The following PREP variants were observed in gnomAD, a reference collection of about 807,000 sequenced individuals.
The protein encoded by PREP is dJ355L5.1 (prolyl endopeptidase).
In PREP, 29 loss-of-function variants were observed where a neutral mutation model predicts 87.6. The ratio of observed to expected loss-of-function variants is 0.33; its 90% CI spans 0.25 to 0.45. The LOEUF is 0.45. Ranked by LOEUF, PREP falls within the 20% of genes least tolerant of loss-of-function variation. The pLI is 1.00. For synonymous variants in PREP, 337 were observed against 328.6 expected, an observed-to-expected ratio of 1.03 and a Z score of -0.28; for missense variants, 695 against 886.5, an observed-to-expected ratio of 0.78 and a Z score of 2.74.
Position 105,277,560 on chromosome 6 carries a change from CAG to C in PREP, c.*582_*583del, listed in dbSNP as rs1422564620. 6.5e-6 allele frequency: 1 copy of C among 152,964 alleles called. No individual in the cohort carries two copies. The highest frequency in any genetic ancestry group is 1.5e-5 in the Non-Finnish European group (1 of 68,722). The allele number at this position is 152,964 out of a possible 1,614,324, so 9.5% of individuals were successfully genotyped here. A position where few individuals can be genotyped will look rare whatever the true frequency, so the allele number is the denominator to read the frequency against. On this transcript the variant is annotated 3_prime_UTR_variant, in exon 15 of 15. Transcript: ENST00000652536. The stretch of plus-strand genomic sequence containing the variant: ...CTAACAAACAAACAAACAAGGGAGA[CAG>C]AGTGGATGAACAACTTATTTTCAAA...
chr6:105,393,417 G>GA (rs1773209961), intron 2 of PREP, among the ~76,000 whole-genome samples: 1 of 152,068 alleles, frequency 6.6e-6, no homozygotes, highest in African/African-American at 2.4e-5. Context: ...AGGGAGAGTT[G>GA]AATCTGGATG....
At chr6:105,376,871 T>C (rs1772700596) in intron 3 of PREP, among the ~76,000 whole-genome samples, 1 of 152,202 alleles carries the variant, frequency 6.6e-6, no homozygotes. Context: ...TCTGTAAGAA[T>C]GGCAGAGGGC....
chr6:105,341,736 T>A (rs1771656445), intron 7 of PREP, among the ~76,000 whole-genome samples: 1 of 152,180 alleles, frequency 6.6e-6, no homozygotes, highest in Non-Finnish European at 1.5e-5. Flanking sequence ...AAATACAAAC[T>A]ACCATCAGAG....
chr6:105,363,216 T>C (rs1432457191), intron 6 of PREP, among the ~76,000 whole-genome samples: 1 of 152,186 alleles, frequency 6.6e-6, no homozygotes, highest in East Asian at 1.9e-4. Context: ...TTTAGGGAGA[T>C]AATCACAAAG....
intron 7 of PREP, among the ~76,000 whole-genome samples, chr6:105,349,183 G>C (rs980478058): frequency 1.3e-5 from 2 of 152,104 alleles, no homozygotes; most frequent in African/African-American, 4.8e-5. Flanking sequence ...GCAGTTACTG[G>C]GTAAAGGATG....
At chr6:105,293,330 T>C (rs1299050840) in intron 10 of PREP, among the ~76,000 whole-genome samples, 2 of 152,104 alleles carry the variant, frequency 1.3e-5, no homozygotes, top group Admixed American at 1.3e-4. Flanking sequence ...AGACAGGAAA[T>C]GGTCAGTGGA....
chr6:105,370,012 G>A (rs187058398), intron 5 of PREP, among the ~76,000 whole-genome samples: 148 of 152,190 alleles, frequency 9.7e-4, no homozygotes, highest in African/African-American at 3.2e-3. Flanking sequence ...AGCACTTTGG[G>A]AGGCCGAGGC....
intron 6 of PREP, among the ~76,000 whole-genome samples, chr6:105,358,021 A>G (rs1193715559): frequency 6.6e-6 from 1 of 152,064 alleles, no homozygotes; most frequent in Non-Finnish European, 1.5e-5. Flanking sequence ...TTTTGCAAAA[A>G]CTAATAATAT....
intron 10 of PREP, among the ~76,000 whole-genome samples, chr6:105,301,293 C>A (rs1770532299): frequency 6.6e-6 from 1 of 152,174 alleles, no homozygotes; most frequent in South Asian, 2.1e-4. Context: ...TGACAGAGGC[C>A]ACTTGTGTGG....
chr6:105,351,017 C>T (rs947893800), intron 7 of PREP, among the ~76,000 whole-genome samples: 1 of 152,134 alleles, frequency 6.6e-6, no homozygotes, highest in Non-Finnish European at 1.5e-5. Context: ...TCAGTAAAGC[C>T]CTAACACTGA....
intron 8 of PREP, among the ~76,000 whole-genome samples, chr6:105,330,738 G>T (rs564614358): frequency 1.1e-4 from 17 of 152,230 alleles, no homozygotes; most frequent in Non-Finnish European, 1.9e-4. Context: ...ATGTTTTTAG[G>T]ATGCTAGAAT....
chr6:105,324,935 A>G (rs1646329481), intron 9 of PREP, among the ~76,000 whole-genome samples: 1 of 152,264 alleles, frequency 6.6e-6, no homozygotes, highest in African/African-American at 2.4e-5. Context: ...TAACGCTGAC[A>G]GTAAGATGTA....
chr6:105,338,606 A>T (rs952689159), intron 7 of PREP, among the ~76,000 whole-genome samples: 6 of 152,210 alleles, frequency 3.9e-5, no homozygotes, highest in African/African-American at 1.4e-4. Context: ...TCAACCAGGA[A>T]ATGCAAGGGG....
At chr6:105,290,422 C>T (rs1274764861) in intron 10 of PREP, among the ~76,000 whole-genome samples, 1 of 152,162 alleles carries the variant, frequency 6.6e-6, no homozygotes, top group African/African-American at 2.4e-5. Flanking sequence ...TTCGAAAAAT[C>T]ATCTGTTCAA....
chr6:105,315,317 C>A (rs1770837865), intron 10 of PREP, among the ~76,000 whole-genome samples: 1 of 152,112 alleles, frequency 6.6e-6, no homozygotes, highest in Admixed American at 6.6e-5. Flanking sequence ...GCACATGCCA[C>A]CATGCTTGGC....
chr6:105,323,223 C>G (rs1771060246), intron 10 of PREP: 5 of 908,742 alleles, frequency 5.5e-6, no homozygotes, highest in Non-Finnish European at 7.9e-6. Context: ...TATTGAGTGT[C>G]TACTCTGTGT....
intron 9 of PREP, among the ~76,000 whole-genome samples, chr6:105,325,386 A>T (rs1562200401): frequency 6.6e-6 from 1 of 152,226 alleles, no homozygotes; most frequent in Admixed American, 6.5e-5. Flanking sequence ...CAAGGCACCA[A>T]AGTACTAGAA....
intron 10 of PREP, among the ~76,000 whole-genome samples, chr6:105,316,085 C>T (rs1770858778): frequency 6.6e-6 from 1 of 152,146 alleles, no homozygotes; most frequent in African/African-American, 2.4e-5. Flanking sequence ...CCTTTGCATT[C>T]ACAAGTTGGC....
In PREP at chr6:105,303,773, G is replaced by A. The variant is rs529724064; in HGVS notation, c.1318-14879C>T. 5.3e-5 allele frequency among the ~76,000 whole-genome samples: 8 copies of A among 152,260 alleles called. No homozygotes were observed. The South Asian group carries it at 1.2e-3, about 24-fold the overall frequency. ...CCAAAAGAAACAAAAGTTAGCCAAG[G>A]TTCTGCAGACAGAACCTAGTGACAG... is the stretch of plus-strand genomic sequence containing the variant. On this transcript the variant is annotated intron_variant, in intron 10 of 14. Coordinates refer to ENST00000652536, the MANE Select transcript of PREP (RefSeq NM_002726.5).
Sources: allele counts gnomAD v4.1 joint callset (sites outside exome capture counted in the v4.1 genomes callset), GRCh38; gene constraint gnomAD v4.1.1; transcripts MANE v1.5; gene names NCBI Gene and HGNC (gene_info 2026-07-23, HGNC 2026-07-21).